Variants in MGAT5 observed in about 807,000 individuals in gnomAD.
MGAT5 encodes alpha-1,6-mannosylglycoprotein 6-beta-N-acetylglucosaminyltransferase A.
MGAT5 carries 30 observed loss-of-function variants against 94.3 expected under a neutral mutation model. The observed-to-expected ratio is 0.32, with a 90% confidence interval of 0.24 to 0.43. The LOEUF (loss-of-function observed/expected upper bound fraction) is 0.43. Ranked by LOEUF, MGAT5 falls within the 20% of genes least tolerant of loss-of-function variation. The probability of loss-of-function intolerance (pLI) is 1.00; values close to 1 mark genes in which losing one functional copy is unlikely to be tolerated. For synonymous variants in MGAT5, 310 were observed against 322.9 expected, an observed-to-expected ratio of 0.96 and a Z score of 0.43; for missense variants, 691 against 905.5, an observed-to-expected ratio of 0.76 and a Z score of 3.04.
chr2:134,161,598 A>T (rs1049477499), intron 1 of MGAT5, among the ~76,000 whole-genome samples: 2 of 152,134 alleles, frequency 1.3e-5, no homozygotes, highest in Non-Finnish European at 2.9e-5. Flanking sequence ...TTTTCAAAAA[A>T]TCCTGGTGTG....
intron 1 of MGAT5, among the ~76,000 whole-genome samples, chr2:134,217,238 G>GGGGTGTGTGTGTGTGTGTGT (rs140177333): frequency 6.9e-6 from 1 of 145,114 alleles, no homozygotes; most frequent in African/African-American, 2.6e-5. Context: ...GAGAGAGAGT[G>GGGGTGTGTGTGTGTGTGTGT]GTGTGTGTGT....
rs532558426 is a variant in MGAT5 at position 134,160,679 on chromosome 2, G to A, written c.-143+40388G>A. On this transcript the variant is annotated intron_variant, in intron 1 of 16. Coordinates refer to the MGAT5 transcript ENST00000409645. The stretch of plus-strand genomic sequence containing the variant: ...AGGGGTTAGCAAAAGGACAAAGGGT[G>A]GAGAGTAGCTACAGGTGTAGGTGCT... 6.6e-5 allele frequency among the ~76,000 whole-genome samples: 10 copies of A among 152,352 alleles called. No homozygotes were observed. In the South Asian group the frequency reaches 2.1e-3, roughly 32 times the overall value.
intron 10 of MGAT5, among the ~76,000 whole-genome samples, chr2:134,387,353 T>TTTTTTTTTTA (rs397985933): frequency 2.2e-5 from 3 of 133,584 alleles, no homozygotes; most frequent in South Asian, 2.4e-4. Flanking sequence ...TTTTTTTTTT[T>TTTTTTTTTTA]ACCAAACCAG....
At chr2:134,148,403 A>T (rs1687022012) in intron 1 of MGAT5, among the ~76,000 whole-genome samples, 1 of 152,208 alleles carries the variant, frequency 6.6e-6, no homozygotes, top group South Asian at 2.1e-4. Context: ...GTTCCAGGGG[A>T]TTCCAGTGTG....
At chr2:134,271,747 A>G (rs929262734) in intron 2 of MGAT5, among the ~76,000 whole-genome samples, 16 of 152,230 alleles carry the variant, frequency 1.1e-4, no homozygotes, top group Non-Finnish European at 4.4e-5. Flanking sequence ...TTTAATTACA[A>G]CACAGAGGCA....
At chr2:134,413,971 G>A (rs1683816969) in intron 12 of MGAT5, among the ~76,000 whole-genome samples, 1 of 152,166 alleles carries the variant, frequency 6.6e-6, no homozygotes, top group African/African-American at 2.4e-5. Context: ...TTATTGATCA[G>A]TCAGAAACCT....
intron 10 of MGAT5, among the ~76,000 whole-genome samples, chr2:134,377,650 G>A (rs1681267527): frequency 1.3e-5 from 2 of 152,240 alleles, no homozygotes; most frequent in Non-Finnish European, 1.5e-5. Context: ...CAAAGGCAAT[G>A]TAGGCAGTGG....
chr2:134,189,602 G>GTTTTTTTTT (rs912983981), intron 1 of MGAT5, among the ~76,000 whole-genome samples: 31 of 84,628 alleles, frequency 3.7e-4, no homozygotes, highest in African/African-American at 1.1e-3. Context: ...GTTTTTTTTT[G>GTTTTTTTTT]TTTTTTTTTT....
chr2:134,308,824 CAA>C (rs1439087511), intron 2 of MGAT5, among the ~76,000 whole-genome samples: 4 of 152,130 alleles, frequency 2.6e-5, no homozygotes, highest in Admixed American at 2.6e-4. Context: ...GGCTTGAGCT[CAA>C]GAGTTTGAGA....
intron 2 of MGAT5, 44 bp from the exon 3 acceptor site, chr2:134,317,485 T>G: frequency 1.4e-6 from 2 of 1,402,294 alleles, no homozygotes; most frequent in East Asian, 5.0e-5. Flanking sequence ...GGCTTGTGTT[T>G]TATAGATCTC....
chr2:134,302,620 TAAA>T (rs1686086869), intron 2 of MGAT5, among the ~76,000 whole-genome samples: 1 of 152,058 alleles, frequency 6.6e-6, no homozygotes, highest in African/African-American at 2.4e-5. Context: ...TCATTTATCT[TAAA>T]AAGGCTTTTT....
In MGAT5 at chr2:134,452,455, A is replaced by C. The variant is rs1307343969; in HGVS notation, c.*3608A>C. The C allele has an allele frequency of 2.0e-5, 3 of 152,244 alleles. No homozygotes were observed. Among genetic ancestry groups the C allele is most frequent in the African/African-American group, 7.2e-5 (3 of 41,466 alleles). 9.4% of individuals were successfully genotyped at this position (152,244 alleles called of 1,614,324 possible). A position where few individuals can be genotyped will look rare whatever the true frequency, so the allele number is the denominator to read the frequency against. On this transcript the variant is annotated 3_prime_UTR_variant, in exon 16 of 16. Transcript: ENST00000281923. ...CCTTTTTTGTTTCTTTAGTGAATGC[A>C]AGATTTAATAAAAGTGAATAATGAG...
At chr2:134,301,439 C>A (rs1345127244) in intron 2 of MGAT5, among the ~76,000 whole-genome samples, 2 of 152,030 alleles carry the variant, frequency 1.3e-5, no homozygotes, top group African/African-American at 4.8e-5. Context: ...ATAGTGATAT[C>A]CCTCTTTCAT....
chr2:134,393,971 A>G (rs1049634072), intron 10 of MGAT5, among the ~76,000 whole-genome samples: 1 of 149,484 alleles, frequency 6.7e-6, no homozygotes, highest in Non-Finnish European at 1.5e-5. Context: ...TTTTATTCCT[A>G]ACTTTGAGAG....
At position 134,366,469 on chromosome 2, in the gene MGAT5, A is replaced by G. The variant is rs74883507; in HGVS notation, c.1380+4061A>G. Among the ~76,000 whole-genome samples, 1,134 of 152,318 alleles carry G rather than the reference A, an allele frequency of 7.4e-3. 15 individuals carry two copies. The highest frequency in any genetic ancestry group is 0.023 in the East Asian group (119 of 5,182). On this transcript the variant is annotated intron_variant, in intron 10 of 15. Coordinates refer to ENST00000281923, the MANE Select transcript of MGAT5 (RefSeq NM_002410.5). ...TAATACATGATCGCCGCTAAGGTAA[A>G]TGTCCTGGAGGCCTTTCTTTGACCA...
intron 5 of MGAT5, among the ~76,000 whole-genome samples, 170 bp downstream of exon 5, chr2:134,336,458 G>C (rs1185276206): frequency 1.3e-5 from 2 of 152,064 alleles, no homozygotes; most frequent in East Asian, 3.9e-4. Flanking sequence ...TCAACCATTA[G>C]CATAGGTTTG....
intron 15 of MGAT5, among the ~76,000 whole-genome samples, chr2:134,444,222 C>T (rs1337171480): frequency 1.3e-5 from 2 of 152,214 alleles, no homozygotes; most frequent in Non-Finnish European, 2.9e-5. Context: ...GGCCCGAGGC[C>T]ACTGAGCCAA....
intron 1 of MGAT5, among the ~76,000 whole-genome samples, chr2:134,132,658 T>A (rs939125921): frequency 4.6e-5 from 7 of 152,368 alleles, no homozygotes; most frequent in African/African-American, 1.4e-4. Flanking sequence ...GCCTACAAAG[T>A]CTCAAGTATT....
intron 1 of MGAT5, among the ~76,000 whole-genome samples, chr2:134,130,443 A>C (rs114707522): frequency 0.06 from 9,183 of 152,332 alleles, 715 homozygotes; most frequent in East Asian, 0.27. Context: ...GCCCTGGCAC[A>C]GATCCACTAG....
Sources: gnomAD v4.1 joint callset for allele counts (sites outside exome capture counted in the v4.1 genomes callset) on GRCh38, gnomAD v4.1.1 for gene constraint, MANE v1.5 for transcripts, NCBI Gene and HGNC (gene_info 2026-07-23, HGNC 2026-07-21) for gene names.